Variants in ARNT2 observed in about 807,000 individuals in gnomAD.
ARNT2 encodes aryl hydrocarbon receptor nuclear translocator 2.
ARNT2 carries 36 observed loss-of-function variants against 91.7 expected under a neutral mutation model. The observed-to-expected ratio is 0.39, with a 90% CI of 0.30 to 0.52. ARNT2 has a LOEUF of 0.52. ARNT2 is among the 20% of genes least tolerant of loss of function. The pLI is 0.72. For missense variants in ARNT2, 775 were observed against 939.3 expected, an observed-to-expected ratio of 0.83 and a Z score of 2.29; for synonymous variants, 365 against 347.1, an observed-to-expected ratio of 1.05 and a Z score of -0.57.
chr15:80,570,695 C>G (rs1405207570), intron 12 of ARNT2, among the ~76,000 whole-genome samples: 1 of 152,114 alleles, frequency 6.6e-6, no homozygotes, highest in Non-Finnish European at 1.5e-5. Flanking sequence ...CAGACTGTAC[C>G]CTTGGATAGA....
intron 12 of ARNT2, among the ~76,000 whole-genome samples, chr15:80,569,566 T>A (rs960746932): frequency 6.6e-6 from 1 of 152,142 alleles, no homozygotes; most frequent in African/African-American, 2.4e-5. Context: ...CCAAAGGTTG[T>A]GGGATGGAGA....
chr15:80,431,506 C>G (rs900924974), intron 1 of ARNT2, among the ~76,000 whole-genome samples: 1 of 152,174 alleles, frequency 6.6e-6, no homozygotes, highest in Non-Finnish European at 1.5e-5. Flanking sequence ...CTCCCTGGCT[C>G]CCTTTGAGCC....
At chr15:80,522,820 G>GTGTGTGTATA (rs548555538) in intron 8 of ARNT2, among the ~76,000 whole-genome samples, 3,832 of 135,590 alleles carry the variant, frequency 0.028, 74 homozygotes, top group Middle Eastern at 0.047. Context: ...GTGTGTGTGT[G>GTGTGTGTATA]TATATATATA....
chr15:80,580,330 C>A lies in ARNT2; in HGVS notation c.1614-81C>A, dbSNP rs201360085. Reference sequence around the variant, plus strand: ...AGAGAGCCAGGAAGATGGCCCAGGGCAGATTGTGTGGTTGGCTGGGCACGT... The same window carrying A: ...AGAGAGCCAGGAAGATGGCCCAGGGAAGATTGTGTGGTTGGCTGGGCACGT... On this transcript the variant is annotated intron_variant, in intron 15 of 18. Transcript: ENST00000303329. 3,332 of 1,538,708 alleles carry A rather than the reference C, an allele frequency of 2.2e-3. 10 individuals carry two copies. Among genetic ancestry groups the A allele is most frequent in the Admixed American group, 3.7e-3 (219 of 59,496 alleles).
chr15:80,580,644 C>T (rs965645353), intron 16 of ARNT2, 95 bp downstream of exon 16: 17 of 1,522,474 alleles, frequency 1.1e-5, no homozygotes, highest in South Asian at 3.7e-5. Context: ...GAGGATGGGT[C>T]GGCTCCTAGC....
At chr15:80,520,301 C>G (rs1897519858) in intron 8 of ARNT2, among the ~76,000 whole-genome samples, 1 of 152,092 alleles carries the variant, frequency 6.6e-6, no homozygotes, top group African/African-American at 2.4e-5. Flanking sequence ...CTGTTTACCT[C>G]TGGGGAGAAA....
chr15:80,553,283 A>C (rs1212446123), intron 10 of ARNT2, among the ~76,000 whole-genome samples: 1 of 152,218 alleles, frequency 6.6e-6, no homozygotes, highest in Non-Finnish European at 1.5e-5. Context: ...AAATAGACCA[A>C]AGAGATAAAA....
chr15:80,432,162 G>A (rs985129333), intron 1 of ARNT2, among the ~76,000 whole-genome samples: 2 of 152,192 alleles, frequency 1.3e-5, no homozygotes, highest in Admixed American at 1.3e-4. Context: ...CTCCCTGGAG[G>A]GTGTGGACTT....
intron 1 of ARNT2, among the ~76,000 whole-genome samples, chr15:80,407,252 C>A (rs542138333): frequency 6.6e-6 from 1 of 152,208 alleles, no homozygotes; most frequent in Non-Finnish European, 1.5e-5. Flanking sequence ...TTTTTCCCAG[C>A]TGACCACTTC....
intron 5 of ARNT2, among the ~76,000 whole-genome samples, chr15:80,501,042 T>C (rs1333786774): frequency 6.6e-6 from 1 of 152,226 alleles, no homozygotes; most frequent in Admixed American, 6.5e-5. Context: ...AGTAAAGGTA[T>C]TGACAGCATA....
At chr15:80,430,295 G>A (rs1430350265) in intron 1 of ARNT2, among the ~76,000 whole-genome samples, 1 of 152,160 alleles carries the variant, frequency 6.6e-6, no homozygotes, top group African/African-American at 2.4e-5. Flanking sequence ...GGTCCAAGCA[G>A]CCTCCACTCT....
intron 17 of ARNT2, among the ~76,000 whole-genome samples, chr15:80,590,467 G>A (rs747428348): frequency 9.9e-5 from 15 of 152,128 alleles, no homozygotes; most frequent in Non-Finnish European, 1.9e-4. Flanking sequence ...TACTGGATAG[G>A]CACAGTGGCT....
At chr15:80,543,867 A>C (rs1446766334) in intron 8 of ARNT2, among the ~76,000 whole-genome samples, 1 of 152,068 alleles carries the variant, frequency 6.6e-6, no homozygotes, top group Non-Finnish European at 1.5e-5. Flanking sequence ...CAGCCTCCTG[A>C]GTAGCTGGGA....
At chr15:80,459,601 A>G (rs1896525004) in intron 3 of ARNT2, among the ~76,000 whole-genome samples, 1 of 152,184 alleles carries the variant, frequency 6.6e-6, no homozygotes, top group East Asian at 1.9e-4. Flanking sequence ...TTTGACATTG[A>G]AAAGATCAGT....
At chr15:80,445,492 G>A (rs1162503511) in intron 1 of ARNT2, among the ~76,000 whole-genome samples, 1 of 151,326 alleles carries the variant, frequency 6.6e-6, no homozygotes, top group Non-Finnish European at 1.5e-5. Flanking sequence ...TGTGTGGTGT[G>A]TGTGAGTGGT....
At chr15:80,592,594 G>C (rs188074087) in intron 18 of ARNT2, among the ~76,000 whole-genome samples, 1 of 152,186 alleles carries the variant, frequency 6.6e-6, no homozygotes, top group Non-Finnish European at 1.5e-5. Flanking sequence ...CTCTCCTGCC[G>C]GGGTCAGCTG....
chr15:80,440,728 A>G (rs1314028159), intron 1 of ARNT2, among the ~76,000 whole-genome samples: 2 of 152,246 alleles, frequency 1.3e-5, no homozygotes, highest in Non-Finnish European at 2.9e-5. Context: ...GGCTGGAAGC[A>G]CCAGCCAGAG....
intron 5 of ARNT2, among the ~76,000 whole-genome samples, chr15:80,500,477 A>G (rs1566988107): frequency 1.3e-5 from 2 of 152,170 alleles, no homozygotes; most frequent in African/African-American, 4.8e-5. Flanking sequence ...AAATAATTCT[A>G]ATTTATATTT....
chr15:80,420,571 G>GTATGAATATATATATTATGAACA (rs1346304013), intron 1 of ARNT2, among the ~76,000 whole-genome samples: 3 of 151,784 alleles, frequency 2.0e-5, no homozygotes, highest in East Asian at 1.9e-4. Context: ...GAGAGCATCT[G>GTATGAATATATATATTATGAACA]TATGAATATA....
Sources: allele counts gnomAD v4.1 joint callset (sites outside exome capture counted in the v4.1 genomes callset), GRCh38; gene constraint gnomAD v4.1.1; transcripts MANE v1.5; gene names NCBI Gene and HGNC (gene_info 2026-07-23, HGNC 2026-07-21).